The following AFF2 variants were observed in gnomAD, a reference collection of about 807,000 sequenced individuals.
AFF2 encodes the protein ALF transcription elongation factor 2.
AFF2 carries 14 observed loss-of-function variants against 76.9 expected under a neutral mutation model. That is an observed-to-expected ratio of 0.18 (90% confidence interval 0.12 to 0.28). The LOEUF (loss-of-function observed/expected upper bound fraction) is 0.28, where lower values mean the gene tolerates loss of function less well. AFF2 is among the 10% of genes least tolerant of loss of function. The probability of loss-of-function intolerance (pLI) is 1.00; values close to 1 mark genes in which losing one functional copy is unlikely to be tolerated. For synonymous variants in AFF2, 398 were observed against 366.7 expected, an observed-to-expected ratio of 1.09 and a Z score of -0.98; for missense variants, 868 against 1,001.1, an observed-to-expected ratio of 0.87 and a Z score of 1.79.
chrX:148,760,574 T>C (rs1382001663), intron 3 of AFF2, among the ~76,000 whole-genome samples: 2 of 111,931 alleles, frequency 1.8e-5, no homozygotes, highest in South Asian at 3.7e-4. Context: ...AATTGCATGC[T>C]CACAGCTGGA....
At chrX:148,900,022 G>A (rs2071337485) in intron 8 of AFF2, among the ~76,000 whole-genome samples, 1 of 110,214 alleles carries the variant, frequency 9.1e-6, no homozygotes, top group African/African-American at 3.3e-5. Flanking sequence ...CAATAGACAT[G>A]TCTATTTATA....
intron 1 of AFF2, among the ~76,000 whole-genome samples, chrX:148,554,088 G>A (rs2053024581): frequency 8.9e-6 from 1 of 112,148 alleles, no homozygotes; most frequent in Non-Finnish European, 1.9e-5. Context: ...TGAGCCAATT[G>A]CTTCATCTCT....
At position 148,956,088 on chromosome X, in the gene AFF2, G is replaced by A. The variant is rs782537019; in HGVS notation, c.2043G>A (p.Arg681=). The A allele has an allele frequency of 8.3e-7, 1 of 1,210,626 alleles. No individual in the cohort carries two copies. Among genetic ancestry groups the A allele is most frequent in the Admixed American group, 2.2e-5 (1 of 45,915 alleles). The change falls in exon 11 of 21, where the codon AGG becomes AGA. Residue 681 remains arginine (R), a synonymous_variant. Transcript: ENST00000370460. ...NKATAHKPAP[R]KEPRPNIPLA... is the part of the protein sequence containing the mutation. ...CCACTGCCCACAAACCAGCCCCTAG[G>A]AAAGAACCAAGACCTAACATCCCTT...
chrX:148,863,685 T>C (rs183774626), intron 7 of AFF2, among the ~76,000 whole-genome samples: 5 of 111,672 alleles, frequency 4.5e-5, no homozygotes, highest in Admixed American at 1.9e-4. Flanking sequence ...TGGCTTATCT[T>C]GTAAAATTGA....
At position 148,618,373 on chromosome X, in the gene AFF2, A is replaced by C. The variant is rs1245072008; in HGVS notation, c.48-33626A>C. Among the ~76,000 whole-genome samples, 3 of 111,424 alleles carry C rather than the reference A, an allele frequency of 2.7e-5. No homozygotes were observed. In the Admixed American group the frequency reaches 2.8e-4, roughly 11 times the overall value. ...AAGGGAAACAAACACATCCTTCTTC[A>C]CATGGTGGCAGGAAGGAGAAGTGCC... On this transcript the variant is annotated intron_variant, in intron 1 of 20. Coordinates refer to ENST00000370460, the MANE Select transcript of AFF2 (RefSeq NM_002025.4).
At chrX:148,761,165 A>G (rs1280151520) in intron 3 of AFF2, among the ~76,000 whole-genome samples, 1 of 112,138 alleles carries the variant, frequency 8.9e-6, no homozygotes, top group African/African-American at 3.2e-5. Context: ...CCTGTGTTTC[A>G]CTTTACTTCC....
chrX:148,827,382 G>A (rs971893185), intron 4 of AFF2, among the ~76,000 whole-genome samples: 1 of 112,159 alleles, frequency 8.9e-6, no homozygotes, highest in African/African-American at 3.2e-5. Context: ...TGTTTGAAAA[G>A]CTACAGCAGC....
chrX:148,814,852 G>C (rs1557272039), intron 4 of AFF2, among the ~76,000 whole-genome samples: 1 of 111,525 alleles, frequency 9.0e-6, no homozygotes, highest in East Asian at 2.8e-4. Flanking sequence ...AAAAAAAATG[G>C]ATCAGGGAAC....
chrX:148,685,963 A>G (rs1175498550), intron 3 of AFF2, among the ~76,000 whole-genome samples: 1 of 109,929 alleles, frequency 9.1e-6, no homozygotes, highest in East Asian at 2.8e-4. Flanking sequence ...ACACACACAC[A>G]CATACATACA....
chrX:148,808,889 A>C (rs1157996052), intron 3 of AFF2, among the ~76,000 whole-genome samples: 3 of 111,777 alleles, frequency 2.7e-5, no homozygotes, highest in Non-Finnish European at 5.6e-5. Context: ...TCCATACTTA[A>C]GTCTGTTGGG....
intron 1 of AFF2, among the ~76,000 whole-genome samples, chrX:148,509,945 G>A (rs1205081791): frequency 1.8e-5 from 2 of 111,114 alleles, no homozygotes; most frequent in South Asian, 3.9e-4. Context: ...TGCTTCCTCC[G>A]TCCCTCAAAC....
chrX:148,977,757 A>G (rs2072344388), intron 16 of AFF2, among the ~76,000 whole-genome samples, 176 bp from the exon 17 acceptor site: 1 of 110,826 alleles, frequency 9.0e-6, no homozygotes, highest in African/African-American at 3.3e-5. Flanking sequence ...TGACATTTTT[A>G]TCCTCATTTT....
At chrX:148,533,301 T>A (rs2052749233) in intron 1 of AFF2, among the ~76,000 whole-genome samples, 1 of 109,493 alleles carries the variant, frequency 9.1e-6, no homozygotes, top group Non-Finnish European at 1.9e-5. Context: ...TGATTATTAT[T>A]TTTTTTTTTG....
intron 3 of AFF2, among the ~76,000 whole-genome samples, chrX:148,753,054 A>G (rs1482886503): frequency 1.8e-5 from 2 of 111,605 alleles, no homozygotes; most frequent in Non-Finnish European, 1.9e-5. Context: ...TTGAGCAGCC[A>G]TTTGTAAGGC....
intron 1 of AFF2, among the ~76,000 whole-genome samples, chrX:148,502,990 C>CT (rs1235654136): frequency 3.6e-5 from 4 of 112,317 alleles, no homozygotes; most frequent in Admixed American, 9.4e-5. Flanking sequence ...AATGCAAAAC[C>CT]TTTTTTTCCT....
intron 9 of AFF2, among the ~76,000 whole-genome samples, chrX:148,944,278 C>T (rs2071874268): frequency 8.9e-6 from 1 of 111,776 alleles, no homozygotes; most frequent in Admixed American, 9.5e-5. Flanking sequence ...TTAAGACACC[C>T]AGTGGAAGTA....
intron 1 of AFF2, among the ~76,000 whole-genome samples, chrX:148,522,578 G>T (rs1456229430): frequency 8.9e-6 from 1 of 111,977 alleles, no homozygotes; most frequent in Non-Finnish European, 1.9e-5. Flanking sequence ...TTCTAGGTCT[G>T]CATTGAGTGG....
intron 1 of AFF2, among the ~76,000 whole-genome samples, chrX:148,506,978 A>C (rs2124186936): frequency 8.9e-6 from 1 of 112,112 alleles, no homozygotes; most frequent in African/African-American, 3.2e-5. Flanking sequence ...GTTAATATTT[A>C]AATATCCACG....
chrX:148,871,297 C>T (rs185988374), intron 7 of AFF2, among the ~76,000 whole-genome samples: 172 of 110,874 alleles, frequency 1.6e-3, no homozygotes, highest in African/African-American at 2.9e-3. Flanking sequence ...CTGATAGGAG[C>T]CTGGATACCT....
Sources: gnomAD v4.1 joint callset for allele counts (sites outside exome capture counted in the v4.1 genomes callset) on GRCh38, gnomAD v4.1.1 for gene constraint, MANE v1.5 for transcripts, NCBI Gene and HGNC (gene_info 2026-07-23, HGNC 2026-07-21) for gene names.